The following RHOT1 variants were observed in gnomAD, a reference collection of about 807,000 sequenced individuals.
RHOT1 encodes the protein ras homolog family member T1.
In RHOT1, 27 loss-of-function variants were observed where a neutral mutation model predicts 95.3. That is an observed-to-expected ratio of 0.28 (90% CI 0.21 to 0.39). RHOT1 has a LOEUF of 0.39. RHOT1 is among the 10% of genes least tolerant of loss of function. RHOT1 has a pLI of 1.00. For missense variants in RHOT1, 578 were observed against 786.7 expected (o/e 0.73, Z 3.17); for synonymous variants, 227 against 263.5 (o/e 0.86, Z 1.34).
In RHOT1 at chr17:32,211,104, GT is replaced by G. The variant is rs748364892; in HGVS notation, c.1740-11del. 6.3e-7 allele frequency: 1 copy of G among 1,594,314 alleles called. No homozygotes were observed. Among genetic ancestry groups the G allele is most frequent in the Non-Finnish European group, 8.6e-7 (1 of 1,165,570 alleles). On this transcript the variant is annotated splice_polypyrimidine_tract_variant and intron_variant, in intron 18 of 19. Transcript: ENST00000545287. The stretch of plus-strand genomic sequence containing the variant: ...AAGAACTCAACTCCTGTCCTTCTGT[GT>G]GTTTTCGCAGCCATGCCCGGTTACG...
chr17:32,212,810 C>T (rs2038218945), intron 19 of RHOT1, among the ~76,000 whole-genome samples: 1 of 152,130 alleles, frequency 6.6e-6, no homozygotes, highest in South Asian at 2.1e-4. Flanking sequence ...CATCATGTCT[C>T]CCCTAATTTT....
intron 2 of RHOT1, among the ~76,000 whole-genome samples, chr17:32,171,661 C>T (rs748948342): frequency 6.6e-6 from 1 of 152,142 alleles, no homozygotes; most frequent in Non-Finnish European, 1.5e-5. Context: ...ATGAGCATTC[C>T]GTGAGTTGAA....
chr17:32,151,648 C>T lies in RHOT1; in HGVS notation c.37+8919C>T, dbSNP rs1276758050. Reference sequence around the variant, plus strand: ...CTGTAATTCCAGCACTTTGGGAGGCCGAGGTGGGCAGATCACGAGGTCAGG... The same window carrying T: ...CTGTAATTCCAGCACTTTGGGAGGCTGAGGTGGGCAGATCACGAGGTCAGG... On this transcript the variant is annotated intron_variant, in intron 1 of 19. Transcript: ENST00000545287. 6.3e-5 allele frequency: 14 copies of T among 222,338 alleles called. 1 individual carries two copies. The highest frequency in any genetic ancestry group is 3.5e-4 in the Admixed American group (6 of 17,106). 13.8% of individuals were successfully genotyped at this position (222,338 alleles called of 1,614,324 possible).
chr17:32,200,014 C>T (rs1415684857), intron 13 of RHOT1, among the ~76,000 whole-genome samples: 1 of 147,488 alleles, frequency 6.8e-6, no homozygotes, highest in African/African-American at 2.5e-5. Flanking sequence ...GTGATCTTGG[C>T]TCACTGCAAC....
chr17:32,148,873 G>A (rs1362389675), intron 1 of RHOT1, among the ~76,000 whole-genome samples: 1 of 152,168 alleles, frequency 6.6e-6, no homozygotes, highest in African/African-American at 2.4e-5. Flanking sequence ...CTGTCATTTG[G>A]AACTAGATGT....
chr17:32,207,071 T>A, intron 17 of RHOT1, 42 bp downstream of exon 17: 1 of 1,560,210 alleles, frequency 6.4e-7, no homozygotes, highest in Non-Finnish European at 8.6e-7. Flanking sequence ...TAACTTCATA[T>A]GGACTTTTTA....
chr17:32,218,319 T>C (rs965878296), intron 19 of RHOT1, among the ~76,000 whole-genome samples: 5 of 151,170 alleles, frequency 3.3e-5, no homozygotes, highest in Admixed American at 2.0e-4. Context: ...TGAGAGCCTG[T>C]CTCTACAAAA....
rs35307933 is a variant in RHOT1, at chr17:32,163,159, C to T, written c.38-7884C>T. Among the ~76,000 whole-genome samples the T allele has an allele frequency of 3.6e-3, 550 of 151,952 alleles. 5 individuals are homozygous for T. The highest frequency in any genetic ancestry group is 6.5e-3 in the Non-Finnish European group (444 of 67,982). On this transcript the variant is annotated intron_variant, in intron 1 of 19. Coordinates refer to ENST00000545287, the MANE Select transcript of RHOT1 (RefSeq NM_001033566.3). ...AAAGAAAGCGTTTGATCAGGTGAGT[C>T]AGAAAATGAAAAGAGCATGTAAGAA...
chr17:32,203,330 C>A (rs1049788949), intron 15 of RHOT1, among the ~76,000 whole-genome samples: 1 of 118,188 alleles, frequency 8.5e-6, no homozygotes, highest in Non-Finnish European at 1.6e-5. Context: ...GGCTGGAGTT[C>A]AGTGACATGA....
In RHOT1 at chr17:32,208,010, T is replaced by C. The variant is rs1598445183; in HGVS notation, c.1537-97T>C. On this transcript the variant is annotated intron_variant, in intron 17 of 19. Coordinates refer to ENST00000545287, the MANE Select transcript of RHOT1 (RefSeq NM_001033566.3). ...CACTTTTTCGCTTTGAAACTACTGT[T>C]GCTTTGCCCATCTGGAGGAAATGCT... The C allele has an allele frequency of 1.3e-5, 14 of 1,081,504 alleles. No homozygotes were observed. In the East Asian group the frequency reaches 3.6e-4, roughly 28 times the overall value. 67.0% of individuals were successfully genotyped at this position (1,081,504 alleles called of 1,614,324 possible).
chr17:32,224,376 G>A (rs952068204), intron 19 of RHOT1, among the ~76,000 whole-genome samples: 4 of 152,072 alleles, frequency 2.6e-5, no homozygotes, highest in Non-Finnish European at 5.9e-5. Flanking sequence ...AAATTTAGAT[G>A]TCTACTCCCA....
At position 32,157,806 on chromosome 17, in the gene RHOT1, C is replaced by T. The variant is rs115797012; in HGVS notation, c.38-13237C>T. ...TGGGTGACATAGCAAGACTGTCCCC[C>T]GCTCCCACCCCGCCGCCCAGAAAAA... On this transcript the variant is annotated intron_variant, in intron 1 of 19. Transcript: ENST00000545287. Among the ~76,000 whole-genome samples, 241 of 151,796 alleles carry T rather than the reference C, an allele frequency of 1.6e-3. 1 individual carries two copies. The highest frequency in any genetic ancestry group is 5.5e-3 in the African/African-American group (227 of 41,364).
At chr17:32,179,966 G>T (rs1303560547) in intron 6 of RHOT1, 1 of 138,538 alleles carries the variant, frequency 7.2e-6, no homozygotes, top group Non-Finnish European at 1.5e-5. Flanking sequence ...GAGCACCTCT[G>T]CCCGGCCGCC....
intron 15 of RHOT1, 119 bp downstream of exon 15, chr17:32,203,019 A>T (rs1221753430): frequency 2.3e-6 from 2 of 867,864 alleles, no homozygotes; most frequent in Non-Finnish European, 3.6e-6. Flanking sequence ...GGCCTGTATT[A>T]GTCAAGTACA....
rs754506318 is a variant in RHOT1, at chr17:32,200,900, T to C, written c.1101-56T>C. 1.5e-4 allele frequency: 192 copies of C among 1,318,754 alleles called. No homozygotes were observed. The African/African-American group carries it at 1.5e-3, about 10-fold the overall frequency. 81.7% of individuals were successfully genotyped at this position (1,318,754 alleles called of 1,614,324 possible). A position where few individuals can be genotyped will look rare whatever the true frequency, so the allele number is the denominator to read the frequency against. ...GTTTTTTTAGCTATTGGCTTTTTTT[T>C]CCCCATAAATATTCGTTTAGGAACT... On this transcript the variant is annotated intron_variant, in intron 13 of 19. Transcript: ENST00000545287.
chr17:32,193,067 T>C, intron 9 of RHOT1, 69 bp from the exon 10 acceptor site: 1 of 922,888 alleles, frequency 1.1e-6, no homozygotes, highest in Non-Finnish European at 1.7e-6. Flanking sequence ...CTTTGTAGAT[T>C]ATCATTTTAT....
rs924840129 is a variant in RHOT1 at position 32,142,550 on chromosome 17, T to C, written c.-143T>C. On this transcript the variant is annotated 5_prime_UTR_variant, in exon 1 of 20. Coordinates refer to ENST00000545287, the MANE Select transcript of RHOT1 (RefSeq NM_001033566.3). The stretch of plus-strand genomic sequence containing the variant: ...CGGAGCTGGCGCTGTCCCGGCTCTC[T>C]TGCGGGGAAGCAACTGAGGGGGCGG... 1.6e-6 allele frequency: 1 copy of C among 625,554 alleles called. No homozygotes were observed. The allele number at this position is 625,554 out of a possible 1,614,324, so 38.8% of individuals were successfully genotyped here.
chr17:32,145,216 CT>C (rs1221619734), intron 1 of RHOT1, among the ~76,000 whole-genome samples: 1 of 152,060 alleles, frequency 6.6e-6, no homozygotes, highest in Non-Finnish European at 1.5e-5. Context: ...AGGAGAATGG[CT>C]TTCACCCAGG....
chr17:32,147,818 CAAA>C (rs747777034), intron 1 of RHOT1, among the ~76,000 whole-genome samples: 4 of 115,004 alleles, frequency 3.5e-5, no homozygotes, highest in Admixed American at 9.0e-5. Flanking sequence ...GACTCCATTT[CAAA>C]AAAAAAAAAA....
Sources: allele counts gnomAD v4.1 joint callset (sites outside exome capture counted in the v4.1 genomes callset), GRCh38; gene constraint gnomAD v4.1.1; transcripts MANE v1.5; gene names NCBI Gene and HGNC (gene_info 2026-07-23, HGNC 2026-07-21).